The following PABPC4L variants were observed in gnomAD, a reference collection of about 807,000 sequenced individuals.
The protein encoded by PABPC4L is polyadenylate-binding protein 4-like.
For synonymous variants in PABPC4L, 169 were observed against 164.1 expected (o/e 1.03, Z -0.23); for missense variants, 452 against 451.4 (o/e 1.00, Z -0.01).
the PABPC4L span, among the ~76,000 whole-genome samples, chr4:134,043,626 G>T: frequency 6.1e-4 from 92 of 152,056 alleles, 1 homozygote; most frequent in Non-Finnish European, 1.1e-3. Context: ...AAGTATTACA[G>T]CCAGAAAATA....
At chr4:134,164,909 T>C in the PABPC4L span, among the ~76,000 whole-genome samples, 1 of 152,060 alleles carries the variant, frequency 6.6e-6, no homozygotes, top group Non-Finnish European at 1.5e-5. Context: ...TAGCATGGCA[T>C]TGGTTAAAAT....
chr4:133,964,344 A>C, the PABPC4L span, among the ~76,000 whole-genome samples: 1 of 151,954 alleles, frequency 6.6e-6, no homozygotes, highest in African/African-American at 2.4e-5. Flanking sequence ...TACCAAAAAA[A>C]AAATAGTCCA....
At chr4:134,118,838 T>G in the PABPC4L span, among the ~76,000 whole-genome samples, 4 of 151,842 alleles carry the variant, frequency 2.6e-5, no homozygotes, top group African/African-American at 4.8e-5. Context: ...TAGCTGTCTC[T>G]TGTGTGTTGT....
the PABPC4L span, among the ~76,000 whole-genome samples, chr4:134,082,842 A>G: frequency 6.6e-6 from 1 of 152,164 alleles, no homozygotes; most frequent in African/African-American, 2.4e-5. Flanking sequence ...AAAATAGTCT[A>G]TCCAAAAATT....
chr4:133,982,480 C>A, the PABPC4L span, among the ~76,000 whole-genome samples: 1 of 151,902 alleles, frequency 6.6e-6, no homozygotes, highest in African/African-American at 2.4e-5. Flanking sequence ...CTAATTAAGC[C>A]TCTAGTGCAT....
chr4:134,163,291 C>T, the PABPC4L span, among the ~76,000 whole-genome samples: 2 of 152,094 alleles, frequency 1.3e-5, no homozygotes, highest in African/African-American at 2.4e-5. Context: ...AAATATAACC[C>T]TCCTTGCTTT....
At chr4:134,042,661 G>A in the PABPC4L span, among the ~76,000 whole-genome samples, 1 of 152,122 alleles carries the variant, frequency 6.6e-6, no homozygotes, top group Non-Finnish European at 1.5e-5. Flanking sequence ...TAGACTTGTG[G>A]TGCCTCTAAT....
the PABPC4L span, among the ~76,000 whole-genome samples, chr4:133,973,591 G>C: frequency 6.6e-6 from 1 of 151,994 alleles, no homozygotes; most frequent in Non-Finnish European, 1.5e-5. Context: ...ATGAAAACCA[G>C]TACCTTATCA....
chr4:134,064,421 C>T, the PABPC4L span, among the ~76,000 whole-genome samples: 1 of 152,014 alleles, frequency 6.6e-6, no homozygotes, highest in African/African-American at 2.4e-5. Flanking sequence ...ATGGGGACCA[C>T]TTGGTTGATA....
chr4:134,156,858 G>A, the PABPC4L span, among the ~76,000 whole-genome samples: 1 of 151,866 alleles, frequency 6.6e-6, no homozygotes, highest in Non-Finnish European at 1.5e-5. Flanking sequence ...CATGAAGGCA[G>A]CAATACTGTT....
At chr4:134,192,792 G>A (rs72714361), downstream of PABPC4L, among the ~76,000 whole-genome samples, 31,823 of 151,894 alleles carry the variant, frequency 0.21, 4,125 homozygotes, top group Non-Finnish European at 0.27. Context: ...GAATCAATTT[G>A]AATAAAGTTT....
chr4:134,025,503 T>C, the PABPC4L span, among the ~76,000 whole-genome samples: 1 of 152,042 alleles, frequency 6.6e-6, no homozygotes. Flanking sequence ...TGCCAGTGAA[T>C]AGTTTATCTA....
chr4:134,066,887 G>A, the PABPC4L span, among the ~76,000 whole-genome samples: 1 of 152,044 alleles, frequency 6.6e-6, no homozygotes, highest in Admixed American at 6.6e-5. Flanking sequence ...CAGAAATAAA[G>A]CCCAGTTAAT....
the PABPC4L span, among the ~76,000 whole-genome samples, chr4:133,956,784 G>A: frequency 6.6e-6 from 1 of 152,172 alleles, no homozygotes; most frequent in Admixed American, 6.5e-5. Flanking sequence ...AGGTGAAAGG[G>A]AAGAAAGGCA....
the PABPC4L span, among the ~76,000 whole-genome samples, chr4:134,027,928 C>T: frequency 2.6e-5 from 4 of 152,096 alleles, no homozygotes; most frequent in Admixed American, 1.3e-4. Flanking sequence ...AGCCAACCCA[C>T]GGAGACATGA....
chr4:134,162,870 A>T, the PABPC4L span, among the ~76,000 whole-genome samples: 4 of 152,148 alleles, frequency 2.6e-5, no homozygotes, highest in African/African-American at 7.2e-5. Flanking sequence ...AAGCAATGCT[A>T]AGAGGAACGT....
At chr4:134,066,212 A>T in the PABPC4L span, among the ~76,000 whole-genome samples, 2 of 151,996 alleles carry the variant, frequency 1.3e-5, no homozygotes, top group Non-Finnish European at 2.9e-5. Context: ...CATGTCATCT[A>T]TGATTTCTTT....
chr4:133,987,201 T>C, the PABPC4L span, among the ~76,000 whole-genome samples: 1 of 152,210 alleles, frequency 6.6e-6, no homozygotes, highest in Admixed American at 6.5e-5. Context: ...TCATATCACA[T>C]TGTCCTGTTA....
At chr4:134,158,306 T>C in the PABPC4L span, among the ~76,000 whole-genome samples, 3 of 152,040 alleles carry the variant, frequency 2.0e-5, no homozygotes, top group Non-Finnish European at 2.9e-5. Context: ...CTTTATTGTC[T>C]TCTTTATATC....
Sources: allele counts gnomAD v4.1 joint callset (sites outside exome capture counted in the v4.1 genomes callset), GRCh38; gene constraint gnomAD v4.1.1; transcripts MANE v1.5; gene names NCBI Gene and HGNC (gene_info 2026-07-23, HGNC 2026-07-21).